Variants in RFX2 observed in about 807,000 individuals in gnomAD.
RFX2 encodes DNA-binding protein RFX2.
Under a neutral mutation model 87.8 loss-of-function variants are expected in RFX2, and 20 were observed. The observed-to-expected ratio is 0.23, with a 90% CI of 0.16 to 0.33. The LOEUF is 0.33. RFX2 is among the 10% of genes least tolerant of loss of function. RFX2 has a pLI of 1.00. For synonymous variants in RFX2, 397 were observed against 431.3 expected (o/e 0.92, Z 0.98); for missense variants, 767 against 1,012.3 (o/e 0.76, Z 3.29).
intron 6 of RFX2, among the ~76,000 whole-genome samples, chr19:6,019,647 C>T (rs371897726): frequency 4.3e-4 from 65 of 150,258 alleles, no homozygotes; most frequent in African/African-American, 1.4e-3. Context: ...CAGGCTGGAG[C>T]GCAGTGGTGC....
At chr19:6,086,573 C>T (rs1229854375) in intron 1 of RFX2, among the ~76,000 whole-genome samples, 2 of 152,202 alleles carry the variant, frequency 1.3e-5, no homozygotes, top group Non-Finnish European at 2.9e-5. Flanking sequence ...TTATGCATGG[C>T]ATGACTGCAT....
chr19:6,068,733 G>A (rs139385873), intron 1 of RFX2, among the ~76,000 whole-genome samples: 4 of 152,342 alleles, frequency 2.6e-5, no homozygotes, highest in East Asian at 1.9e-4. Flanking sequence ...GCCCACACAG[G>A]CCATTGTAGG....
rs1182943164 is a variant in RFX2 at position 6,016,664 on chromosome 19, T to C, written c.598-393A>G. ...CCTCAGCCTCCCAAAGTGCTGGGAT[T>C]ACAGGCGTGAGCCACCGTGCCTGGC... On this transcript the variant is annotated intron_variant, in intron 6 of 17. Transcript: ENST00000303657. The surrounding 1 kb of genome is among the most constrained non-coding windows in gnomAD (Gnocchi z 5.4). 1.3e-5 allele frequency among the ~76,000 whole-genome samples: 2 copies of C among 152,242 alleles called. No homozygotes were observed. The highest frequency in any genetic ancestry group is 2.9e-5 in the Non-Finnish European group (2 of 68,044).
At chr19:6,106,227 C>T (rs946338783) in intron 1 of RFX2, among the ~76,000 whole-genome samples, 7 of 146,486 alleles carry the variant, frequency 4.8e-5, no homozygotes, top group Admixed American at 4.7e-4. Context: ...TTCCATCGGC[C>T]TGCCCATCCA....
At chr19:6,107,999 TA>T (rs1461871207) in intron 1 of RFX2, among the ~76,000 whole-genome samples, 1 of 152,336 alleles carries the variant, frequency 6.6e-6, no homozygotes, top group East Asian at 1.9e-4. Context: ...ATTGAGGTAA[TA>T]ACTGTCTCTC....
chr19:6,001,958 C>G lies in RFX2; in HGVS notation c.1716G>C (p.Lys572Asn). 1 of 1,612,524 alleles carries G rather than the reference C, an allele frequency of 6.2e-7. No individual in the cohort carries two copies. The highest frequency in any genetic ancestry group is 8.5e-7 in the Non-Finnish European group (1 of 1,179,986). ...SVVQRLEQDFKLTLQQQSSLD... is the reference protein window; with the variant it reads ...SVVQRLEQDFNLTLQQQSSLD... ...GGGAGCTCTGCTGCTGCAGGGTCAG[C>G]TTGAAATCCTGCTCCAGCCGCTGCA... Residue 572 changes from lysine (K) to asparagine (N), a missense_variant, in exon 15 of 18, where the codon AAG becomes AAC. By Grantham distance (94) the Lys-to-Asn change is moderately conservative (BLOSUM62 0). Transcript: ENST00000303657. The surrounding 1 kb of genome is among the most constrained non-coding windows in gnomAD (Gnocchi z 5.6).
At chr19:6,033,615 C>CAAAAAAAAAAAA (rs34581899) in intron 5 of RFX2, among the ~76,000 whole-genome samples, 1 of 60,422 alleles carries the variant, frequency 1.7e-5, no homozygotes, top group Non-Finnish European at 3.3e-5. Context: ...CCCACCTTTG[C>CAAAAAAAAAAAA]AAAAAAAAAA....
rs2086687148 is a variant in RFX2 at position 6,013,585 on chromosome 19, C to A, written c.780-480G>T. Among the ~76,000 whole-genome samples the A allele has an allele frequency of 6.6e-6, 1 of 151,314 alleles. No individual in the cohort carries two copies. Among genetic ancestry groups the A allele is most frequent in the Non-Finnish European group, 1.5e-5 (1 of 67,818 alleles). On this transcript the variant is annotated intron_variant, in intron 7 of 17. Coordinates refer to ENST00000303657, the MANE Select transcript of RFX2 (RefSeq NM_000635.4). This position sits in a 1 kb window ranked among gnomAD's most constrained non-coding sequence, Gnocchi z 4.1. ...ACAGCTCACTATCAGGAGGTCACTA[C>A]CAGGAGGTCACTATCACTTGACCTC...
In RFX2 at chr19:6,010,409, T is replaced by C. The variant is rs978991970; in HGVS notation, c.900-158A>G. On this transcript the variant is annotated intron_variant, in intron 8 of 17. Transcript: ENST00000303657. This position sits in a 1 kb window ranked among gnomAD's most constrained non-coding sequence, Gnocchi z 5.0. The stretch of plus-strand genomic sequence containing the variant: ...AACACAAAAGCTACCATCGGAACCA[T>C]CTTGAGTGCACAGCTCAGCAGCATT... Among the ~76,000 whole-genome samples, 1 of 152,222 alleles carries C rather than the reference T, an allele frequency of 6.6e-6. No homozygotes were observed. The highest frequency in any genetic ancestry group is 2.4e-5 in the African/African-American group (1 of 41,458).
rs766160418 is a variant in RFX2, at chr19:6,010,301, G to A, written c.900-50C>T. Reference sequence around the variant, plus strand: ...CATGAGGCCCAGCAGCCCTGCTGCGGGTGGGCCCAAAGACTGGGGGGCTGG... The same window carrying A: ...CATGAGGCCCAGCAGCCCTGCTGCGAGTGGGCCCAAAGACTGGGGGGCTGG... On this transcript the variant is annotated intron_variant, in intron 8 of 17. Coordinates refer to ENST00000303657, the MANE Select transcript of RFX2 (RefSeq NM_000635.4). This position sits in a 1 kb window ranked among gnomAD's most constrained non-coding sequence, Gnocchi z 5.0. 1.2e-5 allele frequency: 16 copies of A among 1,289,400 alleles called. No individual in the cohort carries two copies. In the African/African-American group the frequency reaches 2.2e-4, roughly 18 times the overall value. The allele number at this position is 1,289,400 out of a possible 1,614,324, so 79.9% of individuals were successfully genotyped here.
At position 6,016,514 on chromosome 19, in the gene RFX2, C is replaced by G. The variant is rs978742252; in HGVS notation, c.598-243G>C. Among the ~76,000 whole-genome samples, 3 of 152,258 alleles carry G rather than the reference C, an allele frequency of 2.0e-5. No individual in the cohort carries two copies. The South Asian group carries it at 6.2e-4, about 32-fold the overall frequency. ...CAAGCAATTTTCCTCCCTCAGCCTCCCAGGTAGCTGGGATTACAGGTGTCC... is the reference window on the plus strand; with the variant it reads ...CAAGCAATTTTCCTCCCTCAGCCTCGCAGGTAGCTGGGATTACAGGTGTCC... On this transcript the variant is annotated intron_variant, in intron 6 of 17. Coordinates refer to ENST00000303657, the MANE Select transcript of RFX2 (RefSeq NM_000635.4). This position sits in a 1 kb window ranked among gnomAD's most constrained non-coding sequence, Gnocchi z 5.4.
chr19:6,018,771 C>T (rs2086765426), intron 6 of RFX2, among the ~76,000 whole-genome samples: 1 of 152,228 alleles, frequency 6.6e-6, no homozygotes, highest in Admixed American at 6.5e-5. Context: ...AACCTCACGT[C>T]CTGCCTCTGG....
At chr19:6,014,748 C>T (rs975247929) in intron 7 of RFX2, among the ~76,000 whole-genome samples, 3 of 152,184 alleles carry the variant, frequency 2.0e-5, no homozygotes, top group Admixed American at 6.6e-5. Flanking sequence ...GGCTTCCTCC[C>T]GCTTCTGTCC....
rs2087472387 is a variant in RFX2, at chr19:6,063,773, A to G, written c.-8-16269T>C. On this transcript the variant is annotated intron_variant, in intron 1 of 17. Coordinates refer to ENST00000303657, the MANE Select transcript of RFX2 (RefSeq NM_000635.4). The surrounding 1 kb of genome is among the most constrained non-coding windows in gnomAD (Gnocchi z 4.0). ...GGGGTGGGGCCGTCCTGGGCACCGC[A>G]GGGTGCTGGGCAGCATCCCTGGCCT... Among the ~76,000 whole-genome samples, 1 of 152,158 alleles carries G rather than the reference A, an allele frequency of 6.6e-6. No individual in the cohort carries two copies. The highest frequency in any genetic ancestry group is 1.5e-5 in the Non-Finnish European group (1 of 68,008).
rs1038997197 is a variant in RFX2 at position 6,021,842 on chromosome 19, G to A, written c.597+4321C>T. Among the ~76,000 whole-genome samples, 2 of 152,212 alleles carry A rather than the reference G, an allele frequency of 1.3e-5. No homozygotes were observed. The highest frequency in any genetic ancestry group is 2.9e-5 in the Non-Finnish European group (2 of 68,030). Reference sequence around the variant, plus strand: ...CCTGGGTTTTAGCAGGATCACTCTGGTGGCTGCTGTGAGAAGGGGCTGGAG... The same window carrying A: ...CCTGGGTTTTAGCAGGATCACTCTGATGGCTGCTGTGAGAAGGGGCTGGAG... On this transcript the variant is annotated intron_variant, in intron 6 of 17. Transcript: ENST00000303657. The surrounding 1 kb of genome is among the most constrained non-coding windows in gnomAD (Gnocchi z 5.7).
chr19:6,004,314 C>A lies in RFX2; in HGVS notation c.1403-16G>T. ...GTCAAGGTACCTGGGGGATACAGAC[C>A]ATGATATTACCAGGGAGAAAGGCAG... On this transcript the variant is annotated splice_polypyrimidine_tract_variant and intron_variant, in intron 12 of 17. Transcript: ENST00000303657. This position sits in a 1 kb window ranked among gnomAD's most constrained non-coding sequence, Gnocchi z 4.8. The A allele has an allele frequency of 6.3e-7, 1 of 1,599,334 alleles. No homozygotes were observed. The highest frequency in any genetic ancestry group is 1.1e-5 in the South Asian group (1 of 90,754).
At chr19:6,070,829 T>G (rs1242063584) in intron 1 of RFX2, among the ~76,000 whole-genome samples, 1 of 152,204 alleles carries the variant, frequency 6.6e-6, no homozygotes, top group Non-Finnish European at 1.5e-5. Context: ...TGCCTTAGCC[T>G]CCCATGTAGC....
rs1053692105 is a variant in RFX2, at chr19:5,993,484, T to C, written c.*1351A>G. ...CGTGAGCTGACATTAGTACCTTCTG[T>C]GTGAATGAGAACAAAACATTTGGGA... On this transcript the variant is annotated 3_prime_UTR_variant, in exon 18 of 18. Coordinates refer to ENST00000303657, the MANE Select transcript of RFX2 (RefSeq NM_000635.4). The C allele has an allele frequency of 2.6e-5, 4 of 152,234 alleles. No homozygotes were observed. The highest frequency in any genetic ancestry group is 5.9e-5 in the Non-Finnish European group (4 of 68,048). The allele number at this position is 152,234 out of a possible 1,614,324, so 9.4% of individuals were successfully genotyped here.
chr19:6,091,843 CT>C (rs1191966352), intron 1 of RFX2, among the ~76,000 whole-genome samples: 1 of 152,122 alleles, frequency 6.6e-6, no homozygotes, highest in Non-Finnish European at 1.5e-5. Flanking sequence ...AGCCGAGGGA[CT>C]GAATGAGGAA....
Sources: gnomAD v4.1 joint callset for allele counts (sites outside exome capture counted in the v4.1 genomes callset) on GRCh38, gnomAD v4.1.1 for gene constraint, Gnocchi (gnomAD v3.1) non-coding constraint, MANE v1.5 for transcripts, NCBI Gene and HGNC (gene_info 2026-07-23, HGNC 2026-07-21) for gene names.